Variants in DIP2C observed in about 807,000 individuals in gnomAD.
DIP2C encodes the protein disco-interacting protein 2 homolog C.
In DIP2C, 33 loss-of-function variants were observed where a neutral mutation model predicts 192.4. The ratio of observed to expected loss-of-function variants is 0.17; its 90% confidence interval spans 0.13 to 0.23. DIP2C has a LOEUF of 0.23. Among genes scored for constraint, DIP2C ranks in the 10% least tolerant of loss-of-function variants. DIP2C has a pLI of 1.00. For synonymous variants in DIP2C, 979 were observed against 864.1 expected, an observed-to-expected ratio of 1.13 and a Z score of -2.33; for missense variants, 1,537 against 2,110.1, an observed-to-expected ratio of 0.73 and a Z score of 5.32.
intron 1 of DIP2C, among the ~76,000 whole-genome samples, chr10:563,128 TATC>T (rs1481101108): frequency 5.9e-5 from 9 of 152,194 alleles, no homozygotes; most frequent in Non-Finnish European, 1.5e-5. Context: ...GTCAGGGCCT[TATC>T]ATAAATCAGA....
intron 1 of DIP2C, among the ~76,000 whole-genome samples, chr10:610,975 GACTC>G (rs1470728619): frequency 6.7e-6 from 1 of 148,320 alleles, no homozygotes; most frequent in African/African-American, 2.5e-5. Context: ...GGAGGTGACT[GACTC>G]ACGGGGGTGC....
intron 1 of DIP2C, among the ~76,000 whole-genome samples, chr10:616,103 C>G (rs1240796199): frequency 1.3e-5 from 2 of 152,206 alleles, no homozygotes; most frequent in Non-Finnish European, 1.5e-5. Context: ...CTTCTCTTCA[C>G]CCAGGTCATC....
chr10:311,395 C>A, intron 31 of DIP2C: 3 of 708,096 alleles, frequency 4.2e-6, no homozygotes, highest in Non-Finnish European at 5.9e-6. Flanking sequence ...ATTGCCCGGC[C>A]GGCAGCACCC....
At chr10:660,501 G>C (rs887556659) in intron 1 of DIP2C, among the ~76,000 whole-genome samples, 5 of 152,166 alleles carry the variant, frequency 3.3e-5, no homozygotes, top group African/African-American at 1.2e-4. Context: ...CCTGTTTCAA[G>C]CTCTGTGTAT....
intron 1 of DIP2C, among the ~76,000 whole-genome samples, chr10:620,726 G>A (rs955094316): frequency 3.9e-5 from 6 of 152,194 alleles, no homozygotes; most frequent in African/African-American, 1.2e-4. Context: ...GTGTCAGTGG[G>A]AGCCTCGCAT....
chr10:368,397 G>C (rs192017326), intron 18 of DIP2C, among the ~76,000 whole-genome samples: 2 of 152,344 alleles, frequency 1.3e-5, no homozygotes, highest in African/African-American at 4.8e-5. Flanking sequence ...ATGGAGCCAG[G>C]GGGGCCTGGC....
At chr10:532,686 TGAGAGA>T (rs34935099) in intron 1 of DIP2C, among the ~76,000 whole-genome samples, 1,171 of 39,624 alleles carry the variant, frequency 0.03, 176 homozygotes, top group Non-Finnish European at 0.036. Context: ...AGTATGGGTG[TGAGAGA>T]GTATGGGTGT....
intron 1 of DIP2C, among the ~76,000 whole-genome samples, chr10:641,413 C>T (rs952895388): frequency 3.9e-5 from 6 of 152,320 alleles, no homozygotes; most frequent in African/African-American, 7.2e-5. Context: ...ACATCCCCTA[C>T]GTTCCTCTGC....
At chr10:522,249 T>C (rs1203807011) in intron 1 of DIP2C, among the ~76,000 whole-genome samples, 1 of 152,262 alleles carries the variant, frequency 6.6e-6, no homozygotes, top group African/African-American at 2.4e-5. Context: ...TGTCTTTTCA[T>C]GGATTAGTGG....
intron 31 of DIP2C, chr10:311,607 A>C (rs1158418020): frequency 1.6e-6 from 2 of 1,231,152 alleles, no homozygotes; most frequent in African/African-American, 1.6e-5. Context: ...AGAGGAGAGA[A>C]CACCAGACAA....
At chr10:648,719 C>T (rs115961600) in intron 1 of DIP2C, among the ~76,000 whole-genome samples, 4,153 of 104,186 alleles carry the variant, frequency 0.04, 216 homozygotes, top group African/African-American at 0.14. Context: ...GAGAACAGAG[C>T]GAAACTGAGT....
At chr10:659,748 G>T (rs893146659) in intron 1 of DIP2C, among the ~76,000 whole-genome samples, 26 of 152,368 alleles carry the variant, frequency 1.7e-4, no homozygotes, top group African/African-American at 6.0e-4. Context: ...AAACAGGGTT[G>T]TGTGATACGA....
chr10:367,832 T>C (rs1960458614), intron 18 of DIP2C, among the ~76,000 whole-genome samples: 1 of 152,260 alleles, frequency 6.6e-6, no homozygotes, highest in Non-Finnish European at 1.5e-5. Context: ...CATCATGACG[T>C]GAGAAAACCC....
At chr10:386,348 G>A (rs542930885) in intron 14 of DIP2C, among the ~76,000 whole-genome samples, 52 of 152,346 alleles carry the variant, frequency 3.4e-4, no homozygotes, top group African/African-American at 1.1e-3. Flanking sequence ...GGACTTGGAC[G>A]CACGTCTGAC....
At chr10:499,181 C>G (rs2133634476) in intron 1 of DIP2C, among the ~76,000 whole-genome samples, 1 of 152,186 alleles carries the variant, frequency 6.6e-6, no homozygotes, top group East Asian at 1.9e-4. Flanking sequence ...CTGACTGACT[C>G]CTTGTCAGCA....
At chr10:376,946 A>C (rs572323574) in intron 17 of DIP2C, among the ~76,000 whole-genome samples, 3 of 152,210 alleles carry the variant, frequency 2.0e-5, no homozygotes, top group Admixed American at 1.3e-4. Context: ...GATAAGTGAG[A>C]TTGCGATTTT....
At chr10:277,916 A>G (rs2132114329) in intron 36 of DIP2C, among the ~76,000 whole-genome samples, 1 of 152,180 alleles carries the variant, frequency 6.6e-6, no homozygotes, top group South Asian at 2.1e-4. Flanking sequence ...CTGGAGGACC[A>G]ATGCCCTCAC....
At chr10:469,740 G>A (rs1254269567) in intron 3 of DIP2C, among the ~76,000 whole-genome samples, 2 of 152,186 alleles carry the variant, frequency 1.3e-5, no homozygotes, top group Non-Finnish European at 2.9e-5. Flanking sequence ...GGCCCCCACT[G>A]TCCCTTCACC....
At chr10:574,157 T>C (rs1381909789) in intron 1 of DIP2C, among the ~76,000 whole-genome samples, 3 of 152,258 alleles carry the variant, frequency 2.0e-5, no homozygotes, top group African/African-American at 2.4e-5. Context: ...TAAAGCTTTT[T>C]GCATCGATAA....
Sources: allele counts gnomAD v4.1 joint callset (sites outside exome capture counted in the v4.1 genomes callset), GRCh38; gene constraint gnomAD v4.1.1; transcripts MANE v1.5; gene names NCBI Gene and HGNC (gene_info 2026-07-23, HGNC 2026-07-21).